RBBP4: variants seen among roughly 807,000 people sequenced by gnomAD.
The protein encoded by RBBP4 is histone-binding protein RBBP4.
In RBBP4, 3 loss-of-function variants were observed where a neutral mutation model predicts 57.2. The observed-to-expected ratio is 0.05, with a 90% confidence interval of 0.02 to 0.14. RBBP4 has a LOEUF of 0.14. Ranked by LOEUF, RBBP4 falls within the 10% of genes least tolerant of loss-of-function variation. RBBP4 has a pLI of 1.00. For synonymous variants in RBBP4, 151 were observed against 171.5 expected (o/e 0.88, Z 0.93); for missense variants, 107 against 520.6 (o/e 0.21, Z 7.73).
intron 2 of RBBP4, among the ~76,000 whole-genome samples, chr1:32,656,484 C>G (rs1648145668): frequency 6.6e-6 from 1 of 152,186 alleles, no homozygotes; most frequent in African/African-American, 2.4e-5. Context: ...TCCTGAGTAG[C>G]TAGGACTACA....
intron 8 of RBBP4, among the ~76,000 whole-genome samples, 183 bp from the exon 9 acceptor site, chr1:32,672,267 A>T (rs561554706): frequency 6.6e-6 from 1 of 152,308 alleles, no homozygotes; most frequent in Non-Finnish European, 1.5e-5. Flanking sequence ...TACAGGTGTG[A>T]GCCAACCGCG....
chr1:32,684,097 AAGAG>A lies in RBBP4; in HGVS notation c.*4397_*4400del, dbSNP rs34250196. 323 of 1,613,492 alleles carry A rather than the reference AAGAG, an allele frequency of 2.0e-4. No homozygotes were observed. Among genetic ancestry groups the A allele is most frequent in the Admixed American group, 3.0e-4 (18 of 59,818 alleles). On this transcript the variant is annotated 3_prime_UTR_variant, in exon 12 of 12. Coordinates refer to ENST00000373493, the MANE Select transcript of RBBP4 (RefSeq NM_005610.3). ...TTGGGTAGTAGCATAGCCCTTTAAA[AAGAG>A]AGAGCCATTTTCCATGTGTTTTTGG...
In RBBP4 at chr1:32,655,439, C is replaced by T. The variant is rs561138144; in HGVS notation, c.165-1988C>T. 2.6e-5 allele frequency among the ~76,000 whole-genome samples: 4 copies of T among 152,294 alleles called. No homozygotes were observed. In the East Asian group the frequency reaches 5.8e-4, roughly 22 times the overall value. On this transcript the variant is annotated intron_variant, in intron 2 of 11. Transcript: ENST00000373493. ...AGTTCTGTAACACTGTCCTCTCCTT[C>T]ATTCTTTTTCTGGTTCTTGTCTAAC...
At chr1:32,677,296 A>G (rs919198375) in intron 11 of RBBP4, among the ~76,000 whole-genome samples, 1 of 152,068 alleles carries the variant, frequency 6.6e-6, no homozygotes, top group Admixed American at 6.6e-5. Flanking sequence ...TTGGGGTTGC[A>G]GGGCCAGAGA....
chr1:32,673,232 T>C (rs608543), intron 11 of RBBP4, among the ~76,000 whole-genome samples: 148,153 of 152,230 alleles, frequency 0.97, 72,221 homozygotes, highest in East Asian at 1. Flanking sequence ...GTCTGTTTAC[T>C]TCTAGTTCTA....
At chr1:32,677,596 AG>A (rs1649160781) in intron 11 of RBBP4, among the ~76,000 whole-genome samples, 1 of 152,168 alleles carries the variant, frequency 6.6e-6, no homozygotes, top group Non-Finnish European at 1.5e-5. Context: ...TGAAATTTGT[AG>A]TCAAGTGGGA....
At chr1:32,660,171 T>C (rs641083) in intron 3 of RBBP4, among the ~76,000 whole-genome samples, 148,079 of 152,154 alleles carry the variant, frequency 0.97, 72,183 homozygotes, top group East Asian at 1. Flanking sequence ...AGGTAAATTA[T>C]ACCTTCTCCA....
chr1:32,662,061 G>C (rs769750749), intron 3 of RBBP4, among the ~76,000 whole-genome samples: 2 of 149,532 alleles, frequency 1.3e-5, no homozygotes, highest in Non-Finnish European at 3.0e-5. Context: ...AATTTTTGTG[G>C]TTGTAGTAGA....
Position 32,683,840 on chromosome 1 carries a change from C to G in RBBP4, c.*4135C>G. 6.5e-6 allele frequency: 4 copies of G among 611,902 alleles called. No homozygotes were observed. In the South Asian group the frequency reaches 7.9e-5, roughly 12 times the overall value. 37.9% of individuals were successfully genotyped at this position (611,902 alleles called of 1,614,324 possible). A position where few individuals can be genotyped will look rare whatever the true frequency, so the allele number is the denominator to read the frequency against. ...TGGAGATGGAGTTTTGCCATGTTGG[C>G]CAGGCTGGTCTTGAACTCCTGACTC... On this transcript the variant is annotated 3_prime_UTR_variant, in exon 12 of 12. Coordinates refer to ENST00000373493, the MANE Select transcript of RBBP4 (RefSeq NM_005610.3).
At chr1:32,655,047 T>G (rs1648073659) in intron 2 of RBBP4, among the ~76,000 whole-genome samples, 1 of 152,094 alleles carries the variant, frequency 6.6e-6, no homozygotes, top group African/African-American at 2.4e-5. Context: ...TGTGTTGCAG[T>G]GGCACGATCA....
intron 11 of RBBP4, among the ~76,000 whole-genome samples, chr1:32,675,216 A>G (rs1423556653): frequency 1.3e-5 from 2 of 151,134 alleles, no homozygotes; most frequent in South Asian, 2.1e-4. Flanking sequence ...AATTTTTTTT[A>G]GTAGAGACTG....
intron 3 of RBBP4, among the ~76,000 whole-genome samples, chr1:32,660,350 C>T (rs976690413): frequency 6.6e-6 from 1 of 152,086 alleles, no homozygotes; most frequent in Non-Finnish European, 1.5e-5. Context: ...CTCAAACGAT[C>T]CTCCCACCTA....
At chr1:32,658,361 TAAA>T (rs59613858) in intron 3 of RBBP4, among the ~76,000 whole-genome samples, 2 of 142,034 alleles carry the variant, frequency 1.4e-5, no homozygotes, top group African/African-American at 5.2e-5. Flanking sequence ...GGAGCAATAG[TAAA>T]AAAAAAAAAA....
intron 11 of RBBP4, among the ~76,000 whole-genome samples, chr1:32,677,250 T>C (rs1297670818): frequency 6.6e-6 from 1 of 151,980 alleles, no homozygotes; most frequent in East Asian, 1.9e-4. Context: ...AATCACTTGA[T>C]TTGAGGGTTA....
intron 1 of RBBP4, 179 bp from the exon 2 acceptor site, chr1:32,651,735 G>T (rs1647708019): frequency 2.4e-6 from 2 of 835,044 alleles, no homozygotes. Context: ...TGTTTGGCGG[G>T]GATGGCCCGA....
Position 32,669,583 on chromosome 1 carries a change from C to G in RBBP4, c.966+20C>G, listed in dbSNP as rs372273368. The G allele has an allele frequency of 1.9e-4, 297 of 1,584,860 alleles. 1 individual carries two copies. The highest frequency in any genetic ancestry group is 5.0e-4 in the South Asian group (44 of 87,416). Reference sequence around the variant, plus strand: ...TTCCAGGTAAGAGAAACTAATGCTACTATTTTGTTTGTTTTAAGAAAAACC... The same window carrying G: ...TTCCAGGTAAGAGAAACTAATGCTAGTATTTTGTTTGTTTTAAGAAAAACC... On this transcript the variant is annotated intron_variant, in intron 8 of 11. Transcript: ENST00000373493. This position sits in a 1 kb window ranked among gnomAD's most constrained non-coding sequence, Gnocchi z 4.9.
At chr1:32,664,275 G>A (rs1018872425) in intron 3 of RBBP4, among the ~76,000 whole-genome samples, 7 of 152,046 alleles carry the variant, frequency 4.6e-5, no homozygotes, top group Non-Finnish European at 8.8e-5. Context: ...AATACGCTAA[G>A]TTCTTACTAC....
At position 32,681,881 on chromosome 1, in the gene RBBP4, G is replaced by GT; in HGVS notation, c.*2179dup. 2 of 1,608,484 alleles carry GT rather than the reference G, an allele frequency of 1.2e-6. No individual in the cohort carries two copies. The highest frequency in any genetic ancestry group is 2.2e-5 in the South Asian group (2 of 90,946). On this transcript the variant is annotated 3_prime_UTR_variant, in exon 12 of 12. Coordinates refer to ENST00000373493, the MANE Select transcript of RBBP4 (RefSeq NM_005610.3). ...AGCCCCTGTAAAGTTGAAAGAAAAAGTTTATAACAGTGAACTTCTGAGGTT... is the reference window on the plus strand; with the variant it reads ...AGCCCCTGTAAAGTTGAAAGAAAAAGTTTTATAACAGTGAACTTCTGAGGTT...
intron 11 of RBBP4, among the ~76,000 whole-genome samples, chr1:32,678,190 C>T (rs1216771875): frequency 1.3e-5 from 2 of 152,118 alleles, no homozygotes; most frequent in African/African-American, 2.4e-5. Context: ...TTCTCATAGT[C>T]CCCCAGCCCT....
Sources: allele counts gnomAD v4.1 joint callset (sites outside exome capture counted in the v4.1 genomes callset), GRCh38; gene constraint gnomAD v4.1.1; non-coding constraint Gnocchi (gnomAD v3.1); transcripts MANE v1.5; gene names NCBI Gene and HGNC (gene_info 2026-07-23, HGNC 2026-07-21).